The following MPP2 variants were observed in gnomAD, a reference collection of about 807,000 sequenced individuals.
The protein encoded by MPP2 is MAGUK p55 scaffold protein 2, also known as MAGUK p55 subfamily member 2.
In MPP2, 42 loss-of-function variants were observed where a neutral mutation model predicts 58.5. The observed-to-expected ratio is 0.72, with a 90% confidence interval of 0.56 to 0.93. The LOEUF is 0.93. MPP2 is among the 40% of genes least tolerant of loss of function. MPP2 has a pLI of 0.00. For synonymous variants in MPP2, 300 were observed against 307.8 expected, an observed-to-expected ratio of 0.97 and a Z score of 0.26; for missense variants, 632 against 760.4, an observed-to-expected ratio of 0.83 and a Z score of 1.99.
Position 43,898,339 on chromosome 17 carries a change from C to T in MPP2, c.73G>A (p.Ala25Thr). 1.9e-6 allele frequency: 3 copies of T among 1,614,206 alleles called. No individual in the cohort carries two copies. The highest frequency in any genetic ancestry group is 2.5e-6 in the Non-Finnish European group (3 of 1,180,026). ...AGGTCCAGCTCTGCAGCCCCCGTGG[C>T]ACTGGGGAGGGATCCCAAGTTGTCC... ...VLDNLGSLPS[A>T]TGAAELDLIF... Residue 25 changes from alanine to threonine, a missense_variant, in exon 3 of 13, where the codon GCC (alanine) becomes ACC (threonine). Transcript: ENST00000269095.
upstream of MPP2, among the ~76,000 whole-genome samples, chr17:43,908,151 A>G (rs981383794): frequency 1.3e-5 from 2 of 152,146 alleles, no homozygotes; most frequent in African/African-American, 4.8e-5. Flanking sequence ...TTTCCTGCCT[A>G]TGGAATAAAG....
Position 43,880,103 on chromosome 17 carries a change from C to G in MPP2, c.1151-119G>C. 1.1e-6 allele frequency: 1 copy of G among 919,398 alleles called. No individual in the cohort carries two copies. Among genetic ancestry groups the G allele is most frequent in the South Asian group, 1.6e-5 (1 of 63,788 alleles). The allele number at this position is 919,398 out of a possible 1,614,324, so 57.0% of individuals were successfully genotyped here. A position where few individuals can be genotyped will look rare whatever the true frequency, so the allele number is the denominator to read the frequency against. On this transcript the variant is annotated intron_variant, in intron 10 of 12. Transcript: ENST00000269095. The surrounding 1 kb of genome is among the most constrained non-coding windows in gnomAD (Gnocchi z 5.2). ...CAGCCTTGGAGGTGCAGTCTGCTCC[C>G]CATCTTGCCAGCACTGCTGCCTTTG...
Position 43,898,239 on chromosome 17 carries a change from C to T in MPP2, c.150+23G>A, listed in dbSNP as rs939803063. 1.9e-6 allele frequency: 3 copies of T among 1,582,318 alleles called. No individual in the cohort carries two copies. The African/African-American group carries it at 4.0e-5, about 21-fold the overall frequency. ...CCTCCCCAAGCACAGTGCCCTTGTG[C>T]CCACCTCCCTGGAGCACTGTACCTT... On this transcript the variant is annotated intron_variant, in intron 3 of 12. Coordinates refer to ENST00000269095, the MANE Select transcript of MPP2 (RefSeq NM_005374.5).
upstream of MPP2, chr17:43,909,556 A>G: frequency 6.8e-7 from 1 of 1,468,714 alleles, no homozygotes; most frequent in Non-Finnish European, 9.0e-7. Context: ...ATAGCGACCC[A>G]CATCAAATCT....
chr17:43,907,947 AG>A, upstream of MPP2: 3 of 985,378 alleles, frequency 3.0e-6, no homozygotes, highest in Non-Finnish European at 3.6e-6. Flanking sequence ...AAAGAATAGG[AG>A]GACTTCAGAG....
At chr17:43,889,136 G>C (rs927386526) in intron 3 of MPP2, among the ~76,000 whole-genome samples, 1 of 151,984 alleles carries the variant, frequency 6.6e-6, no homozygotes, top group Non-Finnish European at 1.5e-5. Context: ...ATGTTGCCCA[G>C]GCTAGTCACA....
At chr17:43,905,827 G>A (rs2048266597) in intron 1 of MPP2, among the ~76,000 whole-genome samples, 1 of 152,120 alleles carries the variant, frequency 6.6e-6, no homozygotes, top group African/African-American at 2.4e-5. Context: ...TCAGGCCTGA[G>A]CTGGTCACCT....
Position 43,879,684 on chromosome 17 carries a change from G to A in MPP2, c.1353+98C>T. ...GTAGTTGAGGGCAAAGGGGGTACAT[G>A]GGCGTGTTCAGGTGACAGGTGTCTG... On this transcript the variant is annotated intron_variant, in intron 11 of 12. Transcript: ENST00000269095. The surrounding 1 kb of genome is among the most constrained non-coding windows in gnomAD (Gnocchi z 4.1). 7.3e-7 allele frequency: 1 copy of A among 1,362,910 alleles called. No individual in the cohort carries two copies. Among genetic ancestry groups the A allele is most frequent in the Non-Finnish European group, 1.0e-6 (1 of 986,458 alleles). The allele number at this position is 1,362,910 out of a possible 1,614,324, so 84.4% of individuals were successfully genotyped here.
At chr17:43,901,030 C>T (rs778683229) in intron 2 of MPP2, among the ~76,000 whole-genome samples, 1 of 152,144 alleles carries the variant, frequency 6.6e-6, no homozygotes, top group Non-Finnish European at 1.5e-5. Flanking sequence ...CATGCCACCT[C>T]CTCCCTATGC....
intron 1 of MPP2, chr17:43,907,048 G>A (rs1352605678): frequency 2.2e-6 from 1 of 447,226 alleles, no homozygotes; most frequent in Non-Finnish European, 3.0e-6. Flanking sequence ...GCTGCCTAGG[G>A]GGACCAGGGG....
chr17:43,881,594 G>A lies in MPP2; in HGVS notation c.682-5C>T, dbSNP rs771460648. On this transcript the variant is annotated splice_region_variant and splice_polypyrimidine_tract_variant and intron_variant, in intron 6 of 12. Transcript: ENST00000269095. ...AAAGTGACATTTCACAAATACCTGG[G>A]CCCAGGAATCAGCAAAGGGTCGGGG... The A allele has an allele frequency of 3.5e-5, 57 of 1,613,164 alleles. No homozygotes were observed. The highest frequency in any genetic ancestry group is 4.6e-5 in the Non-Finnish European group (54 of 1,179,612).
chr17:43,907,098 C>T, intron 1 of MPP2: 3 of 909,508 alleles, frequency 3.3e-6, no homozygotes, highest in Non-Finnish European at 3.9e-6. Context: ...CGCTCCCCAA[C>T]CCCCGGAAGC....
intron 1 of MPP2, among the ~76,000 whole-genome samples, chr17:43,906,480 G>A (rs944020644): frequency 1.4e-4 from 21 of 152,158 alleles, no homozygotes; most frequent in Non-Finnish European, 7.4e-5. Flanking sequence ...CATAGTGTCC[G>A]CAGGCGAGCG....
upstream of MPP2, among the ~76,000 whole-genome samples, chr17:43,908,795 G>A (rs368446933): frequency 1.6e-4 from 25 of 152,322 alleles, no homozygotes; most frequent in Middle Eastern, 3.4e-3. Context: ...GAAAGCAGGG[G>A]ACTGGTCCCT....
chr17:43,899,867 G>A (rs1273674210), intron 2 of MPP2, among the ~76,000 whole-genome samples: 3 of 152,138 alleles, frequency 2.0e-5, no homozygotes, highest in East Asian at 3.9e-4. Flanking sequence ...GAAAGGAAGC[G>A]AGAAGCAGAA....
At chr17:43,882,550 C>T in intron 5 of MPP2, 39 bp from the exon 6 acceptor site, 1 of 1,582,344 alleles carries the variant, frequency 6.3e-7, no homozygotes, top group South Asian at 1.1e-5. Context: ...GCCCCAATTG[C>T]TCCAAGTCAG....
At chr17:43,888,200 T>C (rs2047450919) in intron 3 of MPP2, among the ~76,000 whole-genome samples, 1 of 152,172 alleles carries the variant, frequency 6.6e-6, no homozygotes, top group South Asian at 2.1e-4. Flanking sequence ...CTGCCTTCTC[T>C]TTTCCCAAAC....
intron 3 of MPP2, among the ~76,000 whole-genome samples, chr17:43,889,811 TTTTTTG>T (rs1261544882): frequency 0.044 from 347 of 7,930 alleles, 12 homozygotes; most frequent in Non-Finnish European, 0.089. Context: ...ATGCGTTTTT[TTTTTTG>T]TTTTTTTTTT....
rs1420907174 is a variant in MPP2, at chr17:43,877,917, C to T, written c.1549G>A (p.Asp517Asn). 1 of 1,614,080 alleles carries T rather than the reference C, an allele frequency of 6.2e-7. No individual in the cohort carries two copies. Among genetic ancestry groups the T allele is most frequent in the African/African-American group, 1.3e-5 (1 of 75,024 alleles). ...RIQRGYGHYF[D>N]LCLVNSNLER... Reference sequence around the variant, plus strand: ...AGGTTGCTATTGACCAGGCAGAGGTCAAAGTAGTGCCCGTAGCCCCGCTGG... The same window carrying T: ...AGGTTGCTATTGACCAGGCAGAGGTTAAAGTAGTGCCCGTAGCCCCGCTGG... Residue 517 changes from aspartate to asparagine, a missense_variant, in exon 13 of 13, where the codon GAC becomes AAC. Coordinates refer to ENST00000269095, the MANE Select transcript of MPP2 (RefSeq NM_005374.5).
Sources: allele counts gnomAD v4.1 joint callset (sites outside exome capture counted in the v4.1 genomes callset), GRCh38; gene constraint gnomAD v4.1.1; non-coding constraint Gnocchi (gnomAD v3.1); transcripts MANE v1.5; gene names NCBI Gene and HGNC (gene_info 2026-07-23, HGNC 2026-07-21).